The following PDK1 variants were observed in gnomAD, a reference collection of about 807,000 sequenced individuals.
PDK1 encodes [Pyruvate dehydrogenase (acetyl-transferring)] kinase isozyme 1, mitochondrial.
A neutral mutation model predicts 54.2 loss-of-function variants in PDK1; 39 were observed. The observed-to-expected ratio is 0.72, with a 90% CI of 0.56 to 0.94. The LOEUF (loss-of-function observed/expected upper bound fraction) is 0.94. PDK1 is among the 40% of genes least tolerant of loss of function. The pLI, the probability that PDK1 is intolerant of heterozygous loss-of-function variation, is 0.00. For missense variants in PDK1, 552 were observed against 566.0 expected (o/e 0.98, Z 0.25); for synonymous variants, 221 against 207.1 (o/e 1.07, Z -0.58).
At chr2:172,631,195 A>G in the PDK1 span, among the ~76,000 whole-genome samples, 7 of 152,210 alleles carry the variant, frequency 4.6e-5, no homozygotes, top group Admixed American at 1.3e-4. Flanking sequence ...ACAAATTACC[A>G]CATAAACGTG....
At chr2:172,613,642 C>T (rs1330136014), downstream of PDK1, among the ~76,000 whole-genome samples, 1 of 152,120 alleles carries the variant, frequency 6.6e-6, no homozygotes, top group Non-Finnish European at 1.5e-5. Context: ...TATTCCCTAT[C>T]AGATAGTCTC....
In PDK1 at chr2:172,598,705, C is replaced by T. The variant is rs931774511; in HGVS notation, c.*2736C>T. On this transcript the variant is annotated 3_prime_UTR_variant, in exon 11 of 11. Coordinates refer to ENST00000282077, the MANE Select transcript of PDK1 (RefSeq NM_002610.5). ...ACTTTCTTGCACTGTGATGTTTTTA[C>T]GTGAATATGTTGAAGTAGAAGTCTA... is the stretch of plus-strand genomic sequence containing the variant. 1.4e-4 allele frequency: 22 copies of T among 152,200 alleles called. No individual in the cohort carries two copies. The highest frequency in any genetic ancestry group is 4.1e-4 in the African/African-American group (17 of 41,542). 9.4% of individuals were successfully genotyped at this position (152,200 alleles called of 1,614,324 possible). A position where few individuals can be genotyped will look rare whatever the true frequency, so the allele number is the denominator to read the frequency against.
At chr2:172,593,179 G>C (rs1410463484) in intron 10 of PDK1, 131 bp downstream of exon 10, 1 of 471,378 alleles carries the variant, frequency 2.1e-6, no homozygotes, top group African/African-American at 2.0e-5. Flanking sequence ...TTTTGCTGGG[G>C]ATCTCACCCA....
downstream of PDK1, among the ~76,000 whole-genome samples, chr2:172,610,421 G>T (rs1691425647): frequency 6.6e-6 from 1 of 152,016 alleles, no homozygotes; most frequent in East Asian, 1.9e-4. Context: ...CACCATGGTG[G>T]GGGGGCTCCT....
At chr2:172,684,300 T>C in the PDK1 span, among the ~76,000 whole-genome samples, 2 of 152,128 alleles carry the variant, frequency 1.3e-5, no homozygotes, top group Admixed American at 1.3e-4. Context: ...TGCATGCCTA[T>C]GGTCCCAACT....
intron 9 of PDK1, among the ~76,000 whole-genome samples, chr2:172,588,396 C>T (rs1690379946): frequency 6.6e-6 from 1 of 152,142 alleles, no homozygotes; most frequent in Non-Finnish European, 1.5e-5. Context: ...AATTATTGAC[C>T]TCTGGATGCC....
At chr2:172,594,570 G>A (rs1216004273) in intron 10 of PDK1, among the ~76,000 whole-genome samples, 1 of 152,222 alleles carries the variant, frequency 6.6e-6, no homozygotes, top group Non-Finnish European at 1.5e-5. Flanking sequence ...GTGGGCTGTG[G>A]ATTGGACAAG....
chr2:172,621,821 A>T, the PDK1 span, among the ~76,000 whole-genome samples: 1 of 145,052 alleles, frequency 6.9e-6, no homozygotes, highest in African/African-American at 2.5e-5. Context: ...CATATGTATG[A>T]TATATGTTTA....
the PDK1 span, among the ~76,000 whole-genome samples, chr2:172,621,690 C>CAT: frequency 6.9e-6 from 1 of 144,956 alleles, no homozygotes; most frequent in South Asian, 2.2e-4. Context: ...GTTTATATAT[C>CAT]ATATATATGT....
the PDK1 span, among the ~76,000 whole-genome samples, chr2:172,661,164 G>A: frequency 6.6e-6 from 1 of 152,074 alleles, no homozygotes; most frequent in Non-Finnish European, 1.5e-5. Flanking sequence ...TCAGTTGAAT[G>A]TAGCTGTGCT....
the PDK1 span, among the ~76,000 whole-genome samples, chr2:172,696,804 A>G: frequency 2.0e-5 from 3 of 152,222 alleles, no homozygotes; most frequent in Admixed American, 6.5e-5. Context: ...TATCTTCCAC[A>G]AGACTACTTA....
In PDK1 at chr2:172,608,484, T is replaced by C. The variant is rs991449522; in HGVS notation, c.*12515T>C. 1 of 152,356 alleles carries C rather than the reference T, an allele frequency of 6.6e-6. No individual in the cohort carries two copies. Among genetic ancestry groups the C allele is most frequent in the East Asian group, 1.9e-4 (1 of 5,192 alleles). The allele number at this position is 152,356 out of a possible 1,614,324, so 9.4% of individuals were successfully genotyped here. A position where few individuals can be genotyped will look rare whatever the true frequency, so the allele number is the denominator to read the frequency against. On this transcript the variant is annotated 3_prime_UTR_variant, in exon 11 of 11. Coordinates refer to ENST00000282077, the MANE Select transcript of PDK1 (RefSeq NM_002610.5). ...CAGTTACTATGCAAGAAATTTTAAA[T>C]TTCCATCATGTTAAATTGTACAACT... is the stretch of plus-strand genomic sequence containing the variant.
At chr2:172,672,411 C>T in the PDK1 span, among the ~76,000 whole-genome samples, 1 of 152,172 alleles carries the variant, frequency 6.6e-6, no homozygotes, top group Non-Finnish European at 1.5e-5. Context: ...GTTCTCTTCA[C>T]AGTCTAAATG....
chr2:172,587,127 A>T (rs868010848), intron 9 of PDK1, among the ~76,000 whole-genome samples: 3 of 152,192 alleles, frequency 2.0e-5, no homozygotes, highest in Non-Finnish European at 4.4e-5. Context: ...CTAGGACTTT[A>T]TTCTGATAGT....
the PDK1 span, among the ~76,000 whole-genome samples, chr2:172,673,401 G>T: frequency 6.6e-6 from 1 of 152,232 alleles, no homozygotes; most frequent in Middle Eastern, 3.4e-3. Flanking sequence ...GAGCCCAATC[G>T]CCCAACTCCT....
At chr2:172,669,982 G>C in the PDK1 span, among the ~76,000 whole-genome samples, 562 of 152,146 alleles carry the variant, frequency 3.7e-3, no homozygotes, top group Admixed American at 6.9e-3. Context: ...CTTTTGTTGT[G>C]AAGCAGCTTT....
chr2:172,555,915 G>GGACTCCGGCGAGGGGGCGGGCCCC (rs1476518349), upstream of PDK1: 1 of 367,224 alleles, frequency 2.7e-6, no homozygotes, highest in African/African-American at 2.1e-5. Flanking sequence ...AGGCTGGGCG[G>GGACTCCGGCGAGGGGGCGGGCCCC]GACTCCGGCG....
intron 8 of PDK1, among the ~76,000 whole-genome samples, chr2:172,577,474 T>C (rs1403703782): frequency 6.6e-6 from 1 of 152,130 alleles, no homozygotes; most frequent in Admixed American, 6.5e-5. Context: ...TGGTTTATGT[T>C]TGCCGTTTTG....
chr2:172,632,970 G>C, the PDK1 span, among the ~76,000 whole-genome samples: 1 of 14,066 alleles, frequency 7.1e-5, no homozygotes, highest in Non-Finnish European at 2.2e-4. Flanking sequence ...GACAGAATGA[G>C]ATTCTGTCTC....
Sources: allele counts gnomAD v4.1 joint callset (sites outside exome capture counted in the v4.1 genomes callset), GRCh38; gene constraint gnomAD v4.1.1; transcripts MANE v1.5; gene names NCBI Gene and HGNC (gene_info 2026-07-23, HGNC 2026-07-21).